The following TG variants were observed in gnomAD, a reference collection of about 807,000 sequenced individuals.
The protein encoded by TG is thyroid hormones.
A neutral mutation model predicts 324.7 loss-of-function variants in TG; 270 were observed. The ratio of observed to expected loss-of-function variants is 0.83; its 90% CI spans 0.75 to 0.92. The LOEUF (loss-of-function observed/expected upper bound fraction) is 0.92. Ranked by LOEUF, TG falls within the 40% of genes least tolerant of loss-of-function variation. The probability of loss-of-function intolerance (pLI) is 0.00; values close to 1 mark genes in which losing one functional copy is unlikely to be tolerated. For synonymous variants in TG, 1,401 were observed against 1,327.0 expected (o/e 1.06, Z -1.21); for missense variants, 3,591 against 3,456.4 (o/e 1.04, Z -0.98).
intron 5 of TG, among the ~76,000 whole-genome samples, chr8:132,879,281 C>T (rs929596333): frequency 1.3e-5 from 2 of 152,160 alleles, no homozygotes; most frequent in African/African-American, 4.8e-5. Context: ...AAGGACTGTG[C>T]TCTATTGGAG....
chr8:133,029,305 T>C (rs775748637), intron 40 of TG, among the ~76,000 whole-genome samples: 1 of 152,108 alleles, frequency 6.6e-6, no homozygotes, highest in African/African-American at 2.4e-5. Flanking sequence ...ATCAATTCAG[T>C]TGCATGCTAA....
chr8:133,005,428 T>A (rs1377450632), intron 35 of TG, among the ~76,000 whole-genome samples: 5 of 152,286 alleles, frequency 3.3e-5, no homozygotes, highest in South Asian at 2.1e-4. Flanking sequence ...GAGAGCCCCA[T>A]CATTTTGAAA....
intron 43 of TG, among the ~76,000 whole-genome samples, chr8:133,097,784 A>G (rs1416383394): frequency 6.6e-6 from 1 of 152,252 alleles, no homozygotes; most frequent in Non-Finnish European, 1.5e-5. Flanking sequence ...ACACACATGC[A>G]TAATGTGTTA....
At position 132,968,009 on chromosome 8, in the gene TG, A is replaced by G. The variant is rs1288688064; in HGVS notation, c.5863+39A>G. 2.5e-6 allele frequency: 4 copies of G among 1,607,126 alleles called. No homozygotes were observed. The South Asian group carries it at 3.3e-5, about 13-fold the overall frequency. On this transcript the variant is annotated intron_variant, in intron 31 of 47. Coordinates refer to ENST00000220616, the MANE Select transcript of TG (RefSeq NM_003235.5). ...GAGATCTGCATAAACTGTATTTCCAATGTTCTGCTGGCTCTGTGGTTTTAG... is the reference window on the plus strand; with the variant it reads ...GAGATCTGCATAAACTGTATTTCCAGTGTTCTGCTGGCTCTGTGGTTTTAG...
At chr8:132,921,289 A>G (rs1475818478) in intron 21 of TG, among the ~76,000 whole-genome samples, 1 of 152,210 alleles carries the variant, frequency 6.6e-6, no homozygotes, top group Non-Finnish European at 1.5e-5. Flanking sequence ...ATAAGCATTT[A>G]TTCCCCACCC....
At chr8:132,875,587 G>C (rs1345657901) in intron 5 of TG, among the ~76,000 whole-genome samples, 1 of 152,168 alleles carries the variant, frequency 6.6e-6, no homozygotes, top group Admixed American at 6.5e-5. Context: ...TAAGGAATTG[G>C]TGAATGCATC....
intron 41 of TG, among the ~76,000 whole-genome samples, chr8:133,057,175 T>C (rs17695552): frequency 0.19 from 28,617 of 146,814 alleles, 2,979 homozygotes; most frequent in Non-Finnish European, 0.23. Flanking sequence ...CTGCTGCCTC[T>C]GTTGGTGCCT....
chr8:133,017,952 C>G lies in TG; in HGVS notation c.6737C>G (p.Pro2246Arg). ...PPLAERRFQA[P>R]EPLNWTGSWD... Reference sequence around the variant, plus strand: ...CTGGCAGAGAGGCGCTTCCAGGCACCAGAGCCCTTGAACTGGACAGGCTCC... The same window carrying G: ...CTGGCAGAGAGGCGCTTCCAGGCACGAGAGCCCTTGAACTGGACAGGCTCC... The change falls in exon 38 of 48, where the codon CCA becomes CGA. Residue 2246 changes from proline to arginine, a missense_variant. Transcript: ENST00000220616. 1 of 1,614,210 alleles carries G rather than the reference C, an allele frequency of 6.2e-7. No individual in the cohort carries two copies. The highest frequency in any genetic ancestry group is 8.5e-7 in the Non-Finnish European group (1 of 1,180,044).
At chr8:132,922,256 A>G (rs1196459106) in intron 21 of TG, among the ~76,000 whole-genome samples, 1 of 152,200 alleles carries the variant, frequency 6.6e-6, no homozygotes, top group Non-Finnish European at 1.5e-5. Flanking sequence ...GGCCCGGTGG[A>G]GAAAGGCCTT....
At chr8:132,912,376 G>A (rs1444891524) in intron 19 of TG, among the ~76,000 whole-genome samples, 1 of 152,170 alleles carries the variant, frequency 6.6e-6, no homozygotes, top group African/African-American at 2.4e-5. Flanking sequence ...TGGTGAGGCA[G>A]CGAGACTGTG....
At chr8:133,021,129 AAC>A (rs1338539618) in intron 39 of TG, among the ~76,000 whole-genome samples, 2 of 152,202 alleles carry the variant, frequency 1.3e-5, no homozygotes, top group Non-Finnish European at 1.5e-5. Flanking sequence ...CAAGCCATTC[AAC>A]ATGTCTAAGC....
In TG at chr8:132,929,095, G is replaced by C; in HGVS notation, c.4719G>C (p.Lys1573Asn). Residue 1573 changes from lysine to asparagine, a missense_variant, in exon 23 of 48, where the codon AAG becomes AAC. Lys to Asn is a moderately conservative substitution (Grantham distance 94). Coordinates refer to ENST00000220616, the MANE Select transcript of TG (RefSeq NM_003235.5). ...TTTTAGTGATGCAGAAGTTTGAGAA[G>C]GTTCCAGAATCAAAGGTGATCTTCG... ...SQCLMMQKFE[K>N]VPESKVIFDA... The C allele has an allele frequency of 6.2e-7, 1 of 1,614,036 alleles. No homozygotes were observed. The highest frequency in any genetic ancestry group is 1.3e-5 in the African/African-American group (1 of 75,046).
chr8:133,060,351 G>A, intron 41 of TG: 1 of 1,545,262 alleles, frequency 6.5e-7, no homozygotes, highest in Non-Finnish European at 8.7e-7. Flanking sequence ...GATTGGTGAA[G>A]ATTGGTTACT....
chr8:132,968,792 G>A (rs766973564), intron 31 of TG, among the ~76,000 whole-genome samples: 4 of 152,188 alleles, frequency 2.6e-5, no homozygotes, highest in Non-Finnish European at 4.4e-5. Context: ...CTTGGGGCAC[G>A]AACCTGGCTC....
chr8:132,874,140 C>T (rs1839749346), intron 5 of TG, among the ~76,000 whole-genome samples: 1 of 151,982 alleles, frequency 6.6e-6, no homozygotes, highest in Non-Finnish European at 1.5e-5. Flanking sequence ...CCACTGCACT[C>T]TAGCCTAGGT....
At chr8:133,031,299 C>A (rs1177124758) in intron 41 of TG, among the ~76,000 whole-genome samples, 1 of 152,188 alleles carries the variant, frequency 6.6e-6, no homozygotes, top group Non-Finnish European at 1.5e-5. Flanking sequence ...GTCAGAATTT[C>A]TTTCCTTTTT....
intron 41 of TG, among the ~76,000 whole-genome samples, chr8:133,093,927 GTCGGAGCCCTCAA>G (rs1258415263): frequency 6.6e-6 from 1 of 152,212 alleles, no homozygotes; most frequent in East Asian, 1.9e-4. Context: ...GAGTGAGTTT[GTCGGAGCCCTCAA>G]TCCACAGTGG....
chr8:132,926,116 G>A (rs980578233), intron 22 of TG, among the ~76,000 whole-genome samples: 7 of 152,220 alleles, frequency 4.6e-5, no homozygotes, highest in Admixed American at 3.9e-4. Context: ...TTGCCTTTGA[G>A]AGGAACTTTC....
chr8:133,124,741 A>G (rs1284530865), intron 45 of TG, among the ~76,000 whole-genome samples: 1 of 152,226 alleles, frequency 6.6e-6, no homozygotes, highest in Non-Finnish European at 1.5e-5. Context: ...AGAGGCAATA[A>G]TGTTCCTCCT....
Sources: gnomAD v4.1 joint callset for allele counts (sites outside exome capture counted in the v4.1 genomes callset) on GRCh38, gnomAD v4.1.1 for gene constraint, MANE v1.5 for transcripts, NCBI Gene and HGNC (gene_info 2026-07-23, HGNC 2026-07-21) for gene names.